Variants in ZNF766 observed in about 807,000 individuals in gnomAD.
ZNF766 encodes the protein zinc finger protein 766.
Under a neutral mutation model 13.2 loss-of-function variants are expected in ZNF766, and 13 were observed. The ratio of observed to expected loss-of-function variants is 0.98; its 90% CI spans 0.64 to 1.56. The LOEUF is 1.56. Among genes scored for constraint, ZNF766 ranks in the 40% most tolerant of loss-of-function variants. The pLI is 0.00. For missense variants in ZNF766, 521 were observed against 552.2 expected, an observed-to-expected ratio of 0.94 and a Z score of 0.57; for synonymous variants, 178 against 187.6, an observed-to-expected ratio of 0.95 and a Z score of 0.42.
At chr19:52,281,854 G>A in intron 1 of ZNF766, 1 of 542,866 alleles carries the variant, frequency 1.8e-6, no homozygotes, top group South Asian at 1.5e-5. Context: ...CGTCTTCAGA[G>A]ACACTTGTAT....
intron 1 of ZNF766, among the ~76,000 whole-genome samples, chr19:52,279,789 CTTT>C (rs984101828): frequency 3.1e-5 from 2 of 64,880 alleles, no homozygotes; most frequent in African/African-American, 1.4e-4. Context: ...TTTACCTTTT[CTTT>C]TTTTTTTTTT....
At chr19:52,289,729 G>C (rs113154584) in intron 3 of ZNF766, among the ~76,000 whole-genome samples, 5 of 152,066 alleles carry the variant, frequency 3.3e-5, no homozygotes, top group African/African-American at 1.2e-4. Flanking sequence ...GTCCGGGCGC[G>C]GTGGCTCACA....
intron 1 of ZNF766, among the ~76,000 whole-genome samples, chr19:52,279,764 T>G (rs1359156449): frequency 1.4e-5 from 2 of 144,948 alleles, no homozygotes; most frequent in African/African-American, 2.6e-5. Flanking sequence ...AGTTTCTATG[T>G]TTTTTTTTTC....
intron 1 of ZNF766, chr19:52,277,632 C>T: frequency 7.3e-7 from 1 of 1,378,670 alleles, no homozygotes; most frequent in South Asian, 1.3e-5. Flanking sequence ...GAGTCTGAAG[C>T]ATCCTGCCTG....
chr19:52,290,862 T>C lies in ZNF766; in HGVS notation c.1071T>C (p.Cys357=). The C allele has an allele frequency of 6.2e-7, 1 of 1,613,764 alleles. No individual in the cohort carries two copies. The highest frequency in any genetic ancestry group is 1.1e-5 in the South Asian group (1 of 91,058). The part of the protein sequence containing the change: ...LIHTGEKPYK[C]KECDKAFRHK... The stretch of plus-strand genomic sequence containing the variant: ...ACACTGGAGAGAAACCTTACAAATG[T>C]AAAGAATGTGACAAAGCTTTTAGGC... The change falls in exon 4 of 4, where the codon TGT becomes TGC. Residue 357 remains cysteine (C), a synonymous_variant. Coordinates refer to ENST00000439461, the MANE Select transcript of ZNF766 (RefSeq NM_001010851.3).
Position 52,290,127 on chromosome 19 carries a change from A to G in ZNF766, c.336A>G (p.Leu112=). Residue 112 remains leucine, a synonymous_variant, in exon 4 of 4, where the codon TTA becomes TTG. Transcript: ENST00000439461. ...GNKPITNQLG[L]TFQLPLPELE... ...AGCCTATTACAAATCAACTTGGATT[A>G]ACCTTTCAGTTACCTCTGCCAGAAC... is the stretch of plus-strand genomic sequence containing the variant. 15 of 1,614,166 alleles carry G rather than the reference A, an allele frequency of 9.3e-6. No individual in the cohort carries two copies. The highest frequency in any genetic ancestry group is 1.2e-5 in the Non-Finnish European group (14 of 1,180,004).
At chr19:52,280,651 C>T (rs991659014) in intron 1 of ZNF766, among the ~76,000 whole-genome samples, 12 of 152,104 alleles carry the variant, frequency 7.9e-5, no homozygotes, top group Admixed American at 3.9e-4. Flanking sequence ...GGCGTGATCT[C>T]AGCTCACTGC....
intron 1 of ZNF766, among the ~76,000 whole-genome samples, chr19:52,275,911 C>T (rs1484745308): frequency 6.6e-6 from 1 of 152,196 alleles, no homozygotes; most frequent in Admixed American, 6.6e-5. Context: ...GAACTCCTGA[C>T]CTCAGATGAT....
At chr19:52,277,435 G>A in intron 1 of ZNF766, 1 of 1,521,140 alleles carries the variant, frequency 6.6e-7, no homozygotes, top group South Asian at 1.2e-5. Context: ...CTCCAGCCTG[G>A]GTGACAGAGT....
In ZNF766 at chr19:52,295,565, G is replaced by C. The variant is rs1982311553; in HGVS notation, c.*4367G>C. ...GACACAAAAATGAGACTGTTGTTTG[G>C]AGACAATATTTTTTGACAAGAGTAT... On this transcript the variant is annotated 3_prime_UTR_variant, in exon 4 of 4. Transcript: ENST00000439461. The C allele has an allele frequency of 6.6e-6, 1 of 152,182 alleles. No individual in the cohort carries two copies. The highest frequency in any genetic ancestry group is 2.4e-5 in the African/African-American group (1 of 41,428). The allele number at this position is 152,182 out of a possible 1,614,324, so 9.4% of individuals were successfully genotyped here.
chr19:52,273,912 C>A (rs1012855938), intron 1 of ZNF766, among the ~76,000 whole-genome samples: 1 of 152,208 alleles, frequency 6.6e-6, no homozygotes, highest in Non-Finnish European at 1.5e-5. Context: ...CTGAGATTCC[C>A]ATTCACATAC....
chr19:52,277,238 T>TC, intron 1 of ZNF766: 1 of 1,168,660 alleles, frequency 8.6e-7, no homozygotes, highest in Non-Finnish European at 1.1e-6. Flanking sequence ...GACGGGCAGA[T>TC]CACGAGGTCA....
chr19:52,270,162 C>T (rs1980913492), intron 1 of ZNF766, among the ~76,000 whole-genome samples: 1 of 152,098 alleles, frequency 6.6e-6, no homozygotes, highest in South Asian at 2.1e-4. Flanking sequence ...TCTCAGGGCA[C>T]CCAGTGTTCT....
chr19:52,277,654 C>T, intron 1 of ZNF766: 1 of 1,132,194 alleles, frequency 8.8e-7, no homozygotes, highest in Non-Finnish European at 1.3e-6. Flanking sequence ...CAGGTTTGCT[C>T]ACACTCACCC....
In ZNF766 at chr19:52,290,546, T is replaced by G. The variant is rs1982079660; in HGVS notation, c.755T>G (p.Phe252Cys). Residue 252 changes from phenylalanine (F) to cysteine (C), a missense_variant, in exon 4 of 4, where the codon TTC (phenylalanine) becomes TGC (cysteine). Transcript: ENST00000439461. ...PYKCKECGKL[F>C]NRIAYLARHE... ...AAATGTAAAGAGTGTGGCAAGCTCTTCAATCGAATTGCATACCTTGCACGA... is the reference window on the plus strand; with the variant it reads ...AAATGTAAAGAGTGTGGCAAGCTCTGCAATCGAATTGCATACCTTGCACGA... 1 of 1,613,962 alleles carries G rather than the reference T, an allele frequency of 6.2e-7. No homozygotes were observed. Among genetic ancestry groups the G allele is most frequent in the Non-Finnish European group, 8.5e-7 (1 of 1,179,986 alleles).
rs369843015 is a variant in ZNF766 at position 52,282,214 on chromosome 19, A to G, written c.122A>G (p.Asn41Ser). ...KALYRDVMLE[N>S]YRNLVSLGIC... ...TTATACAGGGATGTGATGTTGGAGAACTACAGGAACCTGGTCTCCCTGGGT... is the reference window on the plus strand; with the variant it reads ...TTATACAGGGATGTGATGTTGGAGAGCTACAGGAACCTGGTCTCCCTGGGT... The change falls in exon 2 of 4, where the codon AAC becomes AGC. Residue 41 changes from asparagine to serine, a missense_variant. Coordinates refer to ENST00000439461, the MANE Select transcript of ZNF766 (RefSeq NM_001010851.3). 6.2e-7 allele frequency: 1 copy of G among 1,603,672 alleles called. No homozygotes were observed. The highest frequency in any genetic ancestry group is 8.5e-7 in the Non-Finnish European group (1 of 1,173,550).
In ZNF766 at chr19:52,290,069, G is replaced by A. The variant is rs1982043471; in HGVS notation, c.278G>A (p.Arg93Lys). 1 of 1,598,420 alleles carries A rather than the reference G, an allele frequency of 6.3e-7. No individual in the cohort carries two copies. Among genetic ancestry groups the A allele is most frequent in the Non-Finnish European group, 8.5e-7 (1 of 1,172,306 alleles). Residue 93 changes from arginine (R) to lysine (K), a missense_variant, in exon 4 of 4, where the codon AGG becomes AAG. Transcript: ENST00000439461. ...WEGIKDINTGRSCAVRSKAGN... is the reference protein window; with the variant it reads ...WEGIKDINTGKSCAVRSKAGN... ...TACTCTTTACTTGCTTTCCTAGGGA[G>A]GAGCTGTGCAGTGAGAAGCAAAGCA...
intron 1 of ZNF766, among the ~76,000 whole-genome samples, chr19:52,280,131 T>C (rs1266977628): frequency 6.6e-6 from 1 of 152,172 alleles, no homozygotes; most frequent in Admixed American, 6.5e-5. Context: ...TATACAATAA[T>C]GTTTATAAAC....
chr19:52,288,102 C>A, intron 3 of ZNF766: 1 of 353,318 alleles, frequency 2.8e-6, no homozygotes, highest in East Asian at 1.1e-4. Context: ...CTCACTGCAA[C>A]TTCCGCCTCC....
Sources: allele counts gnomAD v4.1 joint callset (sites outside exome capture counted in the v4.1 genomes callset), GRCh38; gene constraint gnomAD v4.1.1; transcripts MANE v1.5; gene names NCBI Gene and HGNC (gene_info 2026-07-23, HGNC 2026-07-21).